Variants in SPAG16 observed in about 807,000 individuals in gnomAD.
SPAG16 encodes the protein sperm-associated antigen 16 protein.
SPAG16 carries 86 observed loss-of-function variants against 80.4 expected under a neutral mutation model. That is an observed-to-expected ratio of 1.07 (90% CI 0.90 to 1.28). The LOEUF (loss-of-function observed/expected upper bound fraction) is 1.28, where lower values mean the gene tolerates loss of function less well. SPAG16 is among the 50% of genes most tolerant of loss of function. The pLI is 0.00. For missense variants in SPAG16, 870 were observed against 765.3 expected (o/e 1.14, Z -1.61); for synonymous variants, 294 against 265.9 (o/e 1.11, Z -1.03).
chr2:213,608,227 G>T (rs569394943), intron 10 of SPAG16, among the ~76,000 whole-genome samples: 3 of 152,158 alleles, frequency 2.0e-5, no homozygotes, highest in Non-Finnish European at 2.9e-5. Flanking sequence ...ACAACGTGCA[G>T]GTTTGTTACA....
At chr2:214,346,801 G>C (rs1698081385) in intron 15 of SPAG16, among the ~76,000 whole-genome samples, 1 of 152,160 alleles carries the variant, frequency 6.6e-6, no homozygotes, top group Non-Finnish European at 1.5e-5. Context: ...AGACATGTCA[G>C]TGAAGCTGTT....
intron 11 of SPAG16, among the ~76,000 whole-genome samples, chr2:213,904,060 A>G (rs1202060174): frequency 2.0e-5 from 3 of 152,160 alleles, no homozygotes; most frequent in African/African-American, 7.2e-5. Flanking sequence ...TTTTGGTCAA[A>G]GCCATTCAAG....
chr2:214,023,430 T>C lies in SPAG16; in HGVS notation c.1527+9353T>C, dbSNP rs1419921654. 2.0e-5 allele frequency among the ~76,000 whole-genome samples: 3 copies of C among 151,898 alleles called. No individual in the cohort carries two copies. In the East Asian group the frequency reaches 5.8e-4, roughly 29 times the overall value. ...ATTAAAAAAAAAAGAAAAAAATACT[T>C]TATGTGTTTTCTAAAATGCATAAGA... On this transcript the variant is annotated intron_variant, in intron 13 of 15. Coordinates refer to ENST00000331683, the MANE Select transcript of SPAG16 (RefSeq NM_024532.5).
intron 8 of SPAG16, among the ~76,000 whole-genome samples, chr2:213,371,529 T>A (rs1468630110): frequency 6.6e-6 from 1 of 152,052 alleles, no homozygotes; most frequent in Non-Finnish European, 1.5e-5. Context: ...AGTTTAGTTT[T>A]AAAAATACTT....
intron 7 of SPAG16, among the ~76,000 whole-genome samples, chr2:213,359,264 C>T (rs567495672): frequency 6.6e-6 from 1 of 152,330 alleles, no homozygotes; most frequent in South Asian, 2.1e-4. Flanking sequence ...TCCATCCATT[C>T]TCAGAGCTCG....
intron 9 of SPAG16, among the ~76,000 whole-genome samples, chr2:213,471,719 C>A (rs1018802130): frequency 6.6e-6 from 1 of 152,300 alleles, no homozygotes; most frequent in South Asian, 2.1e-4. Context: ...GTTGCAGAGC[C>A]TTCTCCTGTT....
chr2:214,257,002 C>T (rs542150068), intron 15 of SPAG16, among the ~76,000 whole-genome samples: 1 of 151,882 alleles, frequency 6.6e-6, no homozygotes, highest in East Asian at 1.9e-4. Flanking sequence ...TTAATTTGGG[C>T]ATAATTATAT....
chr2:214,379,931 G>A (rs950831321), intron 15 of SPAG16, among the ~76,000 whole-genome samples: 2 of 152,128 alleles, frequency 1.3e-5, no homozygotes, highest in African/African-American at 2.4e-5. Flanking sequence ...TATAGCTCAG[G>A]ATAGCACTGG....
rs146320645 is a variant in SPAG16, at chr2:214,211,771, G to C, written c.1720+62505G>C. Among the ~76,000 whole-genome samples the C allele has an allele frequency of 4.0e-3, 603 of 152,244 alleles. 2 individuals are homozygous for C. Among genetic ancestry groups the C allele is most frequent in the African/African-American group, 0.013 (560 of 41,552 alleles). On this transcript the variant is annotated intron_variant, in intron 15 of 15. Coordinates refer to ENST00000331683, the MANE Select transcript of SPAG16 (RefSeq NM_024532.5). ...CTTATCATGGCCAGCAAATTGTCAA[G>C]TAAGCTTGCTCCATCCCAGTTTTCC... is the stretch of plus-strand genomic sequence containing the variant.
At chr2:213,511,910 G>T (rs1032432271) in intron 10 of SPAG16, among the ~76,000 whole-genome samples, 3 of 151,588 alleles carry the variant, frequency 2.0e-5, no homozygotes, top group Non-Finnish European at 4.4e-5. Context: ...TAAAACATTT[G>T]CACTCACAAT....
intron 14 of SPAG16, among the ~76,000 whole-genome samples, chr2:214,125,440 T>A (rs1165751839): frequency 6.6e-6 from 1 of 151,612 alleles, no homozygotes; most frequent in African/African-American, 2.4e-5. Flanking sequence ...ATGTGTGAGG[T>A]TGTAACTTCG....
chr2:213,427,878 T>G (rs2070038459), intron 9 of SPAG16, among the ~76,000 whole-genome samples: 1 of 152,140 alleles, frequency 6.6e-6, no homozygotes, highest in Non-Finnish European at 1.5e-5. Context: ...TCAGTGTAGA[T>G]TTAATTTTCT....
rs1301100233 is a variant in SPAG16 at position 213,385,410 on chromosome 2, T to C, written c.942+10291T>C. 4.6e-5 allele frequency among the ~76,000 whole-genome samples: 7 copies of C among 152,280 alleles called. No individual in the cohort carries two copies. The East Asian group carries it at 1.4e-3, about 29-fold the overall frequency. Reference sequence around the variant, plus strand: ...AACTCTGCCTTGTCCAACTTTATATTCTACCTCTCTTACCTCAATGACCTC... The same window carrying C: ...AACTCTGCCTTGTCCAACTTTATATCCTACCTCTCTTACCTCAATGACCTC... On this transcript the variant is annotated intron_variant, in intron 9 of 15. Transcript: ENST00000331683.
At chr2:213,692,643 T>C (rs1358440935) in intron 10 of SPAG16, among the ~76,000 whole-genome samples, 1 of 151,970 alleles carries the variant, frequency 6.6e-6, no homozygotes, top group Non-Finnish European at 1.5e-5. Flanking sequence ...ACCCCGACTC[T>C]ACTAAAAATA....
intron 12 of SPAG16, among the ~76,000 whole-genome samples, chr2:213,984,652 T>C (rs2045920561): frequency 6.6e-6 from 1 of 152,128 alleles, no homozygotes; most frequent in African/African-American, 2.4e-5. Flanking sequence ...TTTGAGAAGA[T>C]GCTTTAGTTA....
intron 10 of SPAG16, among the ~76,000 whole-genome samples, chr2:213,816,323 C>T (rs1406094436): frequency 6.6e-6 from 1 of 151,970 alleles, no homozygotes; most frequent in Non-Finnish European, 1.5e-5. Flanking sequence ...CTGTTGATGA[C>T]CCTATTGATT....
chr2:214,330,968 G>T (rs1696874613), intron 15 of SPAG16, among the ~76,000 whole-genome samples: 2 of 152,150 alleles, frequency 1.3e-5, no homozygotes, highest in African/African-American at 4.8e-5. Flanking sequence ...AAACTTACAG[G>T]AGAAAGTTTC....
At position 214,059,220 on chromosome 2, in the gene SPAG16, G is replaced by GTATATATATA. The variant is rs1275941428; in HGVS notation, c.1527+45144_1527+45145insATATATATAT. 4.1e-5 allele frequency among the ~76,000 whole-genome samples: 3 copies of GTATATATATA among 73,808 alleles called. No individual in the cohort carries two copies. The Admixed American group carries it at 4.2e-4, about 10-fold the overall frequency. The allele number at this position is 73,808 out of a possible 152,430, so 48.4% of individuals were successfully genotyped here. A position where few individuals can be genotyped will look rare whatever the true frequency, so the allele number is the denominator to read the frequency against. ...TATATATATATATATATATATGTAT[G>GTATATATATA]TGTATATATATATATATATATGTAT... On this transcript the variant is annotated intron_variant, in intron 13 of 15. Coordinates refer to ENST00000331683, the MANE Select transcript of SPAG16 (RefSeq NM_024532.5).
At chr2:213,871,869 CACACACACACAGAGAGAGAGAGAG>C (rs774931080) in intron 11 of SPAG16, among the ~76,000 whole-genome samples, 20 of 108,096 alleles carry the variant, frequency 1.9e-4, no homozygotes, top group East Asian at 1.7e-3. Flanking sequence ...CACACACACA[CACACACACACAGAGAGAGAGAGAG>C]AGAGAGCAAA....
Sources: gnomAD v4.1 joint callset for allele counts (sites outside exome capture counted in the v4.1 genomes callset) on GRCh38, gnomAD v4.1.1 for gene constraint, MANE v1.5 for transcripts, NCBI Gene and HGNC (gene_info 2026-07-23, HGNC 2026-07-21) for gene names.